CACNA1E: variants seen among roughly 807,000 people sequenced by gnomAD.
CACNA1E encodes the protein voltage-dependent R-type calcium channel subunit alpha-1E.
CACNA1E carries 40 observed loss-of-function variants against 259.2 expected under a neutral mutation model. That is an observed-to-expected ratio of 0.15 (90% CI 0.12 to 0.20). The LOEUF (loss-of-function observed/expected upper bound fraction) is 0.20, where lower values mean the gene tolerates loss of function less well. Among genes scored for constraint, CACNA1E ranks in the 10% least tolerant of loss-of-function variants. The pLI, the probability that CACNA1E is intolerant of heterozygous loss-of-function variation, is 1.00. For missense variants in CACNA1E, 1,874 were observed against 3,040.1 expected, an observed-to-expected ratio of 0.62 and a Z score of 9.02; for synonymous variants, 1,104 against 1,138.5, an observed-to-expected ratio of 0.97 and a Z score of 0.61.
At chr1:181,373,772 G>T (rs1016955246) in intron 1 of CACNA1E, among the ~76,000 whole-genome samples, 5 of 152,068 alleles carry the variant, frequency 3.3e-5, no homozygotes, top group Non-Finnish European at 5.9e-5. Flanking sequence ...TGATCCGCCC[G>T]CCTTGGCCTC....
intron 1 of CACNA1E, among the ~76,000 whole-genome samples, chr1:181,394,189 C>T (rs1419176744): frequency 6.6e-6 from 1 of 152,164 alleles, no homozygotes; most frequent in Non-Finnish European, 1.5e-5. Context: ...CCAGCCAGAC[C>T]TGGGTTCAAA....
chr1:181,357,803 C>G (rs1177938673), intron 1 of CACNA1E, among the ~76,000 whole-genome samples: 3 of 152,182 alleles, frequency 2.0e-5, no homozygotes, highest in Non-Finnish European at 4.4e-5. Flanking sequence ...CTGAGGTACC[C>G]TTGGTGCCTA....
chr1:181,746,796 G>C lies in CACNA1E; in HGVS notation c.3720-3680G>C, dbSNP rs541684056. Among the ~76,000 whole-genome samples, 14 of 152,188 alleles carry C rather than the reference G, an allele frequency of 9.2e-5. 1 individual carries two copies. The highest frequency in any genetic ancestry group is 3.4e-4 in the African/African-American group (14 of 41,530). ...TTCCTTCTTTGGTTAAAACGCTCCA[G>C]TGGTTCCCATTTGAAAGGCACTCTA... On this transcript the variant is annotated intron_variant, in intron 25 of 47. Transcript: ENST00000367573.
intron 1 of CACNA1E, among the ~76,000 whole-genome samples, chr1:181,362,376 G>A (rs1166398396): frequency 3.9e-5 from 6 of 152,214 alleles, no homozygotes; most frequent in African/African-American, 1.4e-4. Flanking sequence ...TCCTCATTAC[G>A]GGAATGAGTT....
At chr1:181,356,685 C>G (rs1234936932) in intron 1 of CACNA1E, among the ~76,000 whole-genome samples, 2 of 152,200 alleles carry the variant, frequency 1.3e-5, no homozygotes, top group African/African-American at 4.8e-5. Flanking sequence ...TCTCTGCCAC[C>G]TTGGAGGAAG....
rs571467613 is a variant in CACNA1E at position 181,672,707 on chromosome 1, G to T, written c.1055+21266G>T. Among the ~76,000 whole-genome samples, 3 of 152,334 alleles carry T rather than the reference G, an allele frequency of 2.0e-5. No individual in the cohort carries two copies. In the South Asian group the frequency reaches 6.2e-4, roughly 32 times the overall value. On this transcript the variant is annotated intron_variant, in intron 7 of 47. Coordinates refer to ENST00000367573, the MANE Select transcript of CACNA1E (RefSeq NM_001205293.3). ...AAACAGTAGCAGATACCTATTGCAA[G>T]GTTGCGCTGTGCTGGTCATGTTCAC...
rs1188480250 is a variant in CACNA1E at position 181,756,102 on chromosome 1, T to G, written c.4127+9T>G. 1 of 1,608,658 alleles carries G rather than the reference T, an allele frequency of 6.2e-7. No individual in the cohort carries two copies. Among genetic ancestry groups the G allele is most frequent in the African/African-American group, 1.3e-5 (1 of 74,686 alleles). On this transcript the variant is annotated intron_variant, in intron 29 of 47. Coordinates refer to ENST00000367573, the MANE Select transcript of CACNA1E (RefSeq NM_001205293.3). ...GGGGAAGGATGGCCTCAGTGAGTGA[T>G]TGAGTTGTCATGCTTGTCTGTGGCT...
chr1:181,587,815 G>A (rs1411254035), intron 6 of CACNA1E, among the ~76,000 whole-genome samples: 1 of 152,210 alleles, frequency 6.6e-6, no homozygotes, highest in Non-Finnish European at 1.5e-5. Flanking sequence ...CCCGGGAGGT[G>A]GAGCTTGCAG....
rs530510205 is a variant in CACNA1E at position 181,653,056 on chromosome 1, G to T, written c.1055+1615G>T. 3.9e-5 allele frequency among the ~76,000 whole-genome samples: 6 copies of T among 152,164 alleles called. No individual in the cohort carries two copies. The South Asian group carries it at 1.2e-3, about 32-fold the overall frequency. On this transcript the variant is annotated intron_variant, in intron 7 of 47. Coordinates refer to ENST00000367573, the MANE Select transcript of CACNA1E (RefSeq NM_001205293.3). ...TATTTGGGAGAGACCAGAGAAACAG[G>T]TTCCTACCTCATCACCTTTGGTGAG...
chr1:181,741,488 A>G (rs1057219031), intron 25 of CACNA1E, among the ~76,000 whole-genome samples: 5 of 152,226 alleles, frequency 3.3e-5, no homozygotes, highest in African/African-American at 1.2e-4. Flanking sequence ...GAGGAAGTAC[A>G]TATTGATGCA....
At position 181,658,424 on chromosome 1, in the gene CACNA1E, G is replaced by A. The variant is rs189947640; in HGVS notation, c.1055+6983G>A. Among the ~76,000 whole-genome samples the A allele has an allele frequency of 4.3e-4, 65 of 152,314 alleles. No individual in the cohort carries two copies. In the East Asian group the frequency reaches 0.012, roughly 27 times the overall value. On this transcript the variant is annotated intron_variant, in intron 7 of 47. Coordinates refer to ENST00000367573, the MANE Select transcript of CACNA1E (RefSeq NM_001205293.3). ...TTATTAGCATTGCGAATTTGGATAA[G>A]TTACTCTGAGCCTGCTTCCTCCTCT...
intron 1 of CACNA1E, among the ~76,000 whole-genome samples, chr1:181,363,947 C>T (rs569796655): frequency 5.2e-4 from 79 of 152,246 alleles, no homozygotes; most frequent in African/African-American, 1.9e-3. Flanking sequence ...CTCTGTTCAC[C>T]ATAAGCCCTT....
chr1:181,338,917 A>C (rs1571602623), intron 1 of CACNA1E, among the ~76,000 whole-genome samples: 1 of 150,730 alleles, frequency 6.6e-6, no homozygotes, highest in Non-Finnish European at 1.5e-5. Flanking sequence ...AATTGAAGAG[A>C]CTGTCCTCTC....
chr1:181,399,111 C>T (rs6682861), intron 1 of CACNA1E, among the ~76,000 whole-genome samples: 11,153 of 152,134 alleles, frequency 0.073, 1,327 homozygotes, highest in African/African-American at 0.25. Context: ...GTGACCTTTC[C>T]GTCCTTCCTC....
At chr1:181,690,919 TA>T (rs1207351986) in intron 7 of CACNA1E, among the ~76,000 whole-genome samples, 1 of 152,072 alleles carries the variant, frequency 6.6e-6, no homozygotes, top group Non-Finnish European at 1.5e-5. Flanking sequence ...TTAAAGACTT[TA>T]TCTTGGTGTT....
At chr1:181,661,356 C>T (rs1459284749) in intron 7 of CACNA1E, among the ~76,000 whole-genome samples, 1 of 152,072 alleles carries the variant, frequency 6.6e-6, no homozygotes, top group South Asian at 2.1e-4. Flanking sequence ...TGAAGTACAG[C>T]GGTGGGGACG....
chr1:181,621,742 C>T (rs564301500), intron 6 of CACNA1E, among the ~76,000 whole-genome samples: 1 of 152,200 alleles, frequency 6.6e-6, no homozygotes, highest in South Asian at 2.1e-4. Context: ...TTACTACAAC[C>T]CTATGAAATT....
chr1:181,532,537 A>G (rs1300264805), intron 3 of CACNA1E, among the ~76,000 whole-genome samples: 7 of 152,302 alleles, frequency 4.6e-5, no homozygotes, highest in Admixed American at 3.3e-4. Flanking sequence ...TCTTTCTCTC[A>G]TGTTCTCTCA....
In CACNA1E at chr1:181,758,998, T is replaced by C. The variant is rs1297339832; in HGVS notation, c.4605+130T>C. 6.5e-6 allele frequency: 4 copies of C among 616,336 alleles called. No homozygotes were observed. In the East Asian group the frequency reaches 1.1e-4, roughly 17 times the overall value. 38.2% of individuals were successfully genotyped at this position (616,336 alleles called of 1,614,324 possible). A position where few individuals can be genotyped will look rare whatever the true frequency, so the allele number is the denominator to read the frequency against. On this transcript the variant is annotated intron_variant, in intron 32 of 47. Transcript: ENST00000367573. The surrounding 1 kb of genome is among the most constrained non-coding windows in gnomAD (Gnocchi z 4.2). ...CACCTAGATGTGGGCTCGTTTTGAC[T>C]GCTCAGTAAACTGCCGTAGAGACAA... is the stretch of plus-strand genomic sequence containing the variant.
Sources: allele counts gnomAD v4.1 joint callset (sites outside exome capture counted in the v4.1 genomes callset), GRCh38; gene constraint gnomAD v4.1.1; non-coding constraint Gnocchi (gnomAD v3.1); transcripts MANE v1.5; gene names NCBI Gene and HGNC (gene_info 2026-07-23, HGNC 2026-07-21).